Variants in ASAP3 observed in about 807,000 individuals in gnomAD.
ASAP3 encodes the protein ArfGAP with SH3 domain, ankyrin repeat and PH domain 3, also known as arf-GAP with SH3 domain, ANK repeat and PH domain-containing protein 3.
In ASAP3, 85 loss-of-function variants were observed where a neutral mutation model predicts 118.2. That is an observed-to-expected ratio of 0.72 (90% CI 0.60 to 0.86). The LOEUF (loss-of-function observed/expected upper bound fraction) is 0.86. Among genes scored for constraint, ASAP3 ranks in the 40% least tolerant of loss-of-function variants. ASAP3 has a pLI of 0.00. For synonymous variants in ASAP3, 432 were observed against 477.4 expected, an observed-to-expected ratio of 0.90 and a Z score of 1.24; for missense variants, 1,026 against 1,175.0, an observed-to-expected ratio of 0.87 and a Z score of 1.85.
In ASAP3 at chr1:23,436,933, A is replaced by G. The variant is rs751529728; in HGVS notation, c.1454T>C (p.Leu485Pro). The G allele has an allele frequency of 1.2e-6, 2 of 1,611,702 alleles. No individual in the cohort carries two copies. The highest frequency in any genetic ancestry group is 1.7e-5 in the Admixed American group (1 of 59,918). ...CACCAACAACTCGGAGGGGCCCAGC[A>G]GGTCCAAGGTGAGTGACTGCATGCG... ...FSRMQSLTLD[L>P]LGPSELLLAL... Residue 485 changes from leucine to proline, a missense_variant, in exon 15 of 25, where the codon CTG becomes CCG. Leu to Pro is a moderately conservative substitution (Grantham distance 98). Transcript: ENST00000336689. This position sits in a 1 kb window ranked among gnomAD's most constrained non-coding sequence, Gnocchi z 4.2.
rs1028294829 is a variant in ASAP3 at position 23,436,429 on chromosome 1, C to T, written c.1571+131G>A. 166 of 996,334 alleles carry T rather than the reference C, an allele frequency of 1.7e-4. No individual in the cohort carries two copies. The highest frequency in any genetic ancestry group is 2.3e-4 in the Non-Finnish European group (155 of 673,532). 61.7% of individuals were successfully genotyped at this position (996,334 alleles called of 1,614,324 possible). A position where few individuals can be genotyped will look rare whatever the true frequency, so the allele number is the denominator to read the frequency against. ...CCGCCCGCCTTGGCCTCCCAAAGTG[C>T]TGGGATTACAGGCGTGAGCCACTGC... On this transcript the variant is annotated intron_variant, in intron 16 of 24. Transcript: ENST00000336689. This position sits in a 1 kb window ranked among gnomAD's most constrained non-coding sequence, Gnocchi z 4.2.
intron 1 of ASAP3, among the ~76,000 whole-genome samples, chr1:23,475,819 A>G (rs957954647): frequency 6.6e-6 from 1 of 152,188 alleles, no homozygotes; most frequent in Non-Finnish European, 1.5e-5. Context: ...AAGAGAAGAA[A>G]CAAATTAGCA....
At position 23,437,257 on chromosome 1, in the gene ASAP3, G is replaced by A. The variant is rs1236424701; in HGVS notation, c.1215C>T (p.Pro405=). ...ACCCCCAGGACCCCGGGCCAGCGCT[G>A]GGCTCCCCGAGGAAGGCGCTGCTCA... ...EALSSAFLGE[P]SAGPGSWGSA... is the part of the protein sequence containing the mutation. Residue 405 remains proline, a synonymous_variant, in exon 14 of 25, where the codon CCC becomes CCT. Transcript: ENST00000336689. The surrounding 1 kb of genome is among the most constrained non-coding windows in gnomAD (Gnocchi z 6.1). 21 of 1,593,708 alleles carry A rather than the reference G, an allele frequency of 1.3e-5. No homozygotes were observed. Among genetic ancestry groups the A allele is most frequent in the Middle Eastern group, 1.7e-4 (1 of 6,032 alleles).
chr1:23,442,112 C>G (rs1054041754), intron 7 of ASAP3, 74 bp downstream of exon 7: 13 of 1,453,790 alleles, frequency 8.9e-6, no homozygotes, highest in Admixed American at 5.9e-5. Context: ...ACTCTCAGGT[C>G]TATCACACCT....
intron 1 of ASAP3, among the ~76,000 whole-genome samples, chr1:23,457,459 A>AG (rs1402744738): frequency 1.3e-5 from 2 of 152,176 alleles, no homozygotes; most frequent in East Asian, 1.9e-4. Context: ...CTCTGGAGGA[A>AG]GGGGGGTCTA....
chr1:23,464,798 A>G (rs946202178), intron 1 of ASAP3, among the ~76,000 whole-genome samples: 3 of 152,096 alleles, frequency 2.0e-5, no homozygotes, highest in African/African-American at 7.2e-5. Flanking sequence ...ACTTGTTAGA[A>G]AAGCAAATTC....
At chr1:23,480,710 A>T (rs1380214892) in intron 1 of ASAP3, among the ~76,000 whole-genome samples, 1 of 152,168 alleles carries the variant, frequency 6.6e-6, no homozygotes, top group Non-Finnish European at 1.5e-5. Context: ...GACAGAGCCC[A>T]GGCAGAGCAC....
chr1:23,452,637 A>C, intron 4 of ASAP3, 60 bp downstream of exon 4: 1 of 1,546,160 alleles, frequency 6.5e-7, no homozygotes, highest in Non-Finnish European at 8.9e-7. Context: ...GCCCCCCAAC[A>C]GTCTCCTGCC....
In ASAP3 at chr1:23,442,719, G is replaced by A. The variant is rs142242527; in HGVS notation, c.474-107C>T. On this transcript the variant is annotated intron_variant, in intron 5 of 24. Coordinates refer to ENST00000336689, the MANE Select transcript of ASAP3 (RefSeq NM_017707.4). ...GCCACATGGTGCAGGAGGCCCTCCT[G>A]TGCCAGCTGTGTGGTGGGGCTGGGT... is the stretch of plus-strand genomic sequence containing the variant. 358 of 1,481,942 alleles carry A rather than the reference G, an allele frequency of 2.4e-4. No individual in the cohort carries two copies. In the African/African-American group the frequency reaches 3.8e-3, roughly 16 times the overall value. 91.8% of individuals were successfully genotyped at this position (1,481,942 alleles called of 1,614,324 possible).
chr1:23,460,528 C>CAAAAAAAA (rs1558161244), intron 1 of ASAP3, among the ~76,000 whole-genome samples: 9 of 140,384 alleles, frequency 6.4e-5, no homozygotes, highest in African/African-American at 1.3e-4. Flanking sequence ...AAAAAAAAAC[C>CAAAAAAAA]AAACAAAAAC....
chr1:23,479,504 A>G (rs772722154), intron 1 of ASAP3, among the ~76,000 whole-genome samples: 4 of 152,200 alleles, frequency 2.6e-5, no homozygotes, highest in Non-Finnish European at 4.4e-5. Context: ...GACAGGGTTT[A>G]TGTTTCTTGC....
Position 23,442,572 on chromosome 1 carries a change from C to G in ASAP3, c.514G>C (p.Gly172Arg). The change falls in exon 6 of 25, where the codon GGA (glycine) becomes CGA (arginine). Residue 172 changes from glycine to arginine, a missense_variant. Physicochemically the swap from Gly to Arg is moderately radical, Grantham distance 125 (BLOSUM62 -2). Transcript: ENST00000336689. ...EKERDRARVT[G>R]GIPGEVAQDM... ...TGGGCCACCTCCCCAGGGATCCCTC[C>G]TGTCACCCTGGCCCGATCGCGCTCC... 6.2e-7 allele frequency: 1 copy of G among 1,614,178 alleles called. No homozygotes were observed. Among genetic ancestry groups the G allele is most frequent in the Non-Finnish European group, 8.5e-7 (1 of 1,180,026 alleles).
Position 23,431,684 on chromosome 1 carries a change from G to A in ASAP3, c.2546+12C>T, listed in dbSNP as rs1403630667. 1.3e-6 allele frequency: 2 copies of A among 1,523,178 alleles called. No homozygotes were observed. The highest frequency in any genetic ancestry group is 2.3e-5 in the East Asian group (1 of 43,336). The allele number at this position is 1,523,178 out of a possible 1,614,324, so 94.4% of individuals were successfully genotyped here. A position where few individuals can be genotyped will look rare whatever the true frequency, so the allele number is the denominator to read the frequency against. On this transcript the variant is annotated intron_variant, in intron 23 of 24. Coordinates refer to ENST00000336689, the MANE Select transcript of ASAP3 (RefSeq NM_017707.4). ...GGATTTGCCCTGGTTGCACAGCTGG[G>A]CCCTCACCAACCTGAATCTGACGGG...
chr1:23,479,090 C>A (rs978965418), intron 1 of ASAP3, among the ~76,000 whole-genome samples: 2 of 152,160 alleles, frequency 1.3e-5, no homozygotes, highest in Non-Finnish European at 2.9e-5. Flanking sequence ...GCCACTGGAC[C>A]CAATCCAGAA....
intron 5 of ASAP3, among the ~76,000 whole-genome samples, chr1:23,450,531 C>A (rs1641179631): frequency 6.8e-6 from 1 of 147,682 alleles, no homozygotes; most frequent in Non-Finnish European, 1.5e-5. Flanking sequence ...AAGAATTTTT[C>A]TCCTATTTTT....
Position 23,437,283 on chromosome 1 carries a change from G to A in ASAP3, c.1189C>T (p.Leu397=). The A allele has an allele frequency of 6.2e-7, 1 of 1,605,318 alleles. No individual in the cohort carries two copies. The highest frequency in any genetic ancestry group is 1.3e-5 in the African/African-American group (1 of 74,950). The change falls in exon 14 of 25, where the codon CTG becomes TTG. Residue 397 remains leucine, a synonymous_variant. Transcript: ENST00000336689. The surrounding 1 kb of genome is among the most constrained non-coding windows in gnomAD (Gnocchi z 6.1). ...SVLQNSKDEA[L]SSAFLGEPSA... ...GGCTCCCCGAGGAAGGCGCTGCTCA[G>A]GGCTTCGTCCTTGCTGTTCTGCAAC...
intron 1 of ASAP3, among the ~76,000 whole-genome samples, chr1:23,483,599 A>C (rs1236296190): frequency 2.6e-5 from 4 of 151,784 alleles, no homozygotes; most frequent in Non-Finnish European, 5.9e-5. Flanking sequence ...AGCCGGGGGG[A>C]AGAAAGTTCA....
chr1:23,435,496 G>C (rs769532610), intron 17 of ASAP3, among the ~76,000 whole-genome samples: 8 of 152,334 alleles, frequency 5.3e-5, no homozygotes, highest in East Asian at 3.9e-4. Flanking sequence ...GGGCTATTTA[G>C]GTGAAAGAAA....
intron 1 of ASAP3, among the ~76,000 whole-genome samples, chr1:23,483,593 G>A (rs1178172075): frequency 2.6e-5 from 4 of 152,126 alleles, no homozygotes; most frequent in Non-Finnish European, 5.9e-5. Flanking sequence ...CTCTGCAGCC[G>A]GGGGGAAGAA....
Sources: gnomAD v4.1 joint callset for allele counts (sites outside exome capture counted in the v4.1 genomes callset) on GRCh38, gnomAD v4.1.1 for gene constraint, Gnocchi (gnomAD v3.1) non-coding constraint, MANE v1.5 for transcripts, NCBI Gene and HGNC (gene_info 2026-07-23, HGNC 2026-07-21) for gene names.